SLIT3: variants seen among roughly 807,000 people sequenced by gnomAD.
SLIT3 encodes slit homolog 3 protein.
In SLIT3, 68 loss-of-function variants were observed where a neutral mutation model predicts 184.0. The ratio of observed to expected loss-of-function variants is 0.37; its 90% CI spans 0.30 to 0.45. The LOEUF is 0.45. SLIT3 is among the 20% of genes least tolerant of loss of function. The probability of loss-of-function intolerance (pLI) is 1.00; values close to 1 mark genes in which losing one functional copy is unlikely to be tolerated. For synonymous variants in SLIT3, 831 were observed against 828.6 expected, an observed-to-expected ratio of 1.00 and a Z score of -0.05; for missense variants, 1,707 against 2,026.0, an observed-to-expected ratio of 0.84 and a Z score of 3.02.
intron 3 of SLIT3, among the ~76,000 whole-genome samples, chr5:169,240,137 T>C (rs987972805): frequency 2.6e-5 from 4 of 152,054 alleles, no homozygotes; most frequent in African/African-American, 9.6e-5. Context: ...CTCCATATGA[T>C]ATCCTTTGGT....
At chr5:169,272,969 C>T (rs1271463939) in intron 1 of SLIT3, among the ~76,000 whole-genome samples, 2 of 152,194 alleles carry the variant, frequency 1.3e-5, no homozygotes, top group Non-Finnish European at 2.9e-5. Flanking sequence ...TCCCGTTGCT[C>T]TCAGCCAGCT....
chr5:168,721,747 A>C (rs771428995), intron 23 of SLIT3, among the ~76,000 whole-genome samples: 18 of 152,110 alleles, frequency 1.2e-4, no homozygotes, highest in African/African-American at 1.4e-4. Flanking sequence ...CTATGAGCCA[A>C]CCCCACAATT....
chr5:168,822,046 A>C (rs1405283195), intron 7 of SLIT3, among the ~76,000 whole-genome samples: 1 of 152,206 alleles, frequency 6.6e-6, no homozygotes, highest in African/African-American at 2.4e-5. Flanking sequence ...GTGCCACCCC[A>C]AGAGATTCTG....
chr5:169,225,819 T>C (rs961556179), intron 3 of SLIT3, among the ~76,000 whole-genome samples: 3 of 152,208 alleles, frequency 2.0e-5, no homozygotes, highest in South Asian at 2.1e-4. Flanking sequence ...CTGAGCACCA[T>C]GGCAGGGAAC....
At chr5:169,159,237 T>C (rs1254890298) in intron 4 of SLIT3, among the ~76,000 whole-genome samples, 1 of 151,198 alleles carries the variant, frequency 6.6e-6, no homozygotes, top group African/African-American at 2.4e-5. Context: ...ATACAAAAAT[T>C]AGCCATGGAG....
chr5:169,183,337 T>C (rs1315858687), intron 4 of SLIT3, among the ~76,000 whole-genome samples: 2 of 152,224 alleles, frequency 1.3e-5, no homozygotes, highest in Non-Finnish European at 2.9e-5. Context: ...GGCTTTCAGC[T>C]GTATGTGCGA....
intron 4 of SLIT3, among the ~76,000 whole-genome samples, chr5:169,182,214 T>C (rs1484718840): frequency 6.6e-6 from 1 of 152,190 alleles, no homozygotes. Context: ...ACATCATGAA[T>C]AAAACATCAG....
intron 4 of SLIT3, among the ~76,000 whole-genome samples, chr5:169,174,034 C>T (rs189366067): frequency 1.3e-5 from 2 of 152,272 alleles, no homozygotes; most frequent in East Asian, 3.9e-4. Flanking sequence ...ACAGAAGACC[C>T]TTCTCTGGTT....
chr5:169,150,801 T>C lies in SLIT3; in HGVS notation c.413+42678A>G, dbSNP rs373667760. Among the ~76,000 whole-genome samples, 87 of 152,268 alleles carry C rather than the reference T, an allele frequency of 5.7e-4. No homozygotes were observed. The South Asian group carries it at 8.3e-3, about 15-fold the overall frequency. On this transcript the variant is annotated intron_variant, in intron 4 of 35. Coordinates refer to ENST00000519560, the MANE Select transcript of SLIT3 (RefSeq NM_003062.4). ...CTGGTCTCCAAAGGATCTGGGGATATGGAGCAGGATCCAGCCATCACCCTG... is the reference window on the plus strand; with the variant it reads ...CTGGTCTCCAAAGGATCTGGGGATACGGAGCAGGATCCAGCCATCACCCTG...
At chr5:169,113,155 G>T (rs1018896739) in intron 4 of SLIT3, among the ~76,000 whole-genome samples, 1 of 152,114 alleles carries the variant, frequency 6.6e-6, no homozygotes, top group African/African-American at 2.4e-5. Flanking sequence ...ATCACTATCA[G>T]CCGTCCCTAG....
At chr5:168,856,585 G>A (rs1326470377) in intron 5 of SLIT3, among the ~76,000 whole-genome samples, 3 of 152,160 alleles carry the variant, frequency 2.0e-5, no homozygotes, top group African/African-American at 7.2e-5. Context: ...AAGAGAATGA[G>A]GACGGTAAAC....
At chr5:169,068,599 C>T (rs1156404986) in intron 4 of SLIT3, among the ~76,000 whole-genome samples, 1 of 152,076 alleles carries the variant, frequency 6.6e-6, no homozygotes, top group Non-Finnish European at 1.5e-5. Flanking sequence ...AAATATAATC[C>T]TTTCTGGCAA....
At chr5:168,756,303 G>A (rs1754945437) in intron 16 of SLIT3, among the ~76,000 whole-genome samples, 1 of 152,190 alleles carries the variant, frequency 6.6e-6, no homozygotes. Flanking sequence ...ACTCCCTTAG[G>A]GACTGACTTG....
intron 1 of SLIT3, among the ~76,000 whole-genome samples, chr5:169,265,592 A>G (rs74318519): frequency 0.08 from 12,142 of 152,240 alleles, 791 homozygotes; most frequent in East Asian, 0.31. Context: ...CCTGGGCTCA[A>G]ATCTTAGCAA....
chr5:169,058,012 AT>A (rs1281128128), intron 4 of SLIT3, among the ~76,000 whole-genome samples: 14 of 152,194 alleles, frequency 9.2e-5, no homozygotes, highest in African/African-American at 3.4e-4. Flanking sequence ...TTGCCCCAGC[AT>A]GTAGTGAGTT....
chr5:168,954,216 C>T (rs138528222), intron 4 of SLIT3, among the ~76,000 whole-genome samples: 34 of 152,192 alleles, frequency 2.2e-4, no homozygotes, highest in African/African-American at 7.5e-4. Flanking sequence ...AACCACTTAG[C>T]GACAAACTGG....
chr5:169,148,194 G>A (rs577026604), intron 4 of SLIT3, among the ~76,000 whole-genome samples: 4 of 152,232 alleles, frequency 2.6e-5, no homozygotes, highest in African/African-American at 4.8e-5. Flanking sequence ...AATTGTTCAC[G>A]TTTGTTTTGA....
At chr5:168,775,668 T>C (rs1484503416) in intron 12 of SLIT3, among the ~76,000 whole-genome samples, 3 of 152,226 alleles carry the variant, frequency 2.0e-5, no homozygotes, top group African/African-American at 7.2e-5. Flanking sequence ...TCAGTGCTTA[T>C]TCTTTATTAA....
chr5:169,251,511 C>T (rs1227261945), intron 1 of SLIT3, 52 bp from the exon 2 acceptor site: 3 of 1,218,008 alleles, frequency 2.5e-6, no homozygotes, highest in Non-Finnish European at 3.7e-6. Context: ...CAATTACGGT[C>T]TATTTAATCC....
Sources: allele counts gnomAD v4.1 joint callset (sites outside exome capture counted in the v4.1 genomes callset), GRCh38; gene constraint gnomAD v4.1.1; transcripts MANE v1.5; gene names NCBI Gene and HGNC (gene_info 2026-07-23, HGNC 2026-07-21).